The following AOPEP variants were observed in gnomAD, a reference collection of about 807,000 sequenced individuals.
AOPEP encodes the protein aminopeptidase O (putative), also known as aminopeptidase O.
A neutral mutation model predicts 98.1 loss-of-function variants in AOPEP; 77 were observed. That is an observed-to-expected ratio of 0.78 (90% confidence interval 0.65 to 0.95). The LOEUF (loss-of-function observed/expected upper bound fraction) is 0.95, where lower values mean the gene tolerates loss of function less well. Ranked by LOEUF, AOPEP falls within the 40% of genes least tolerant of loss-of-function variation. The pLI, the probability that AOPEP is intolerant of heterozygous loss-of-function variation, is 0.00. For missense variants in AOPEP, 1,024 were observed against 1,024.7 expected, an observed-to-expected ratio of 1.00 and a Z score of 0.01; for synonymous variants, 346 against 365.3, an observed-to-expected ratio of 0.95 and a Z score of 0.60.
chr9:94,941,229 A>C (rs1409819121), intron 7 of AOPEP, among the ~76,000 whole-genome samples: 1 of 152,026 alleles, frequency 6.6e-6, no homozygotes, highest in Non-Finnish European at 1.5e-5. Flanking sequence ...TCAAAATCTC[A>C]CCACTGTCCA....
At chr9:94,744,450 T>C (rs57504746) in intron 1 of AOPEP, among the ~76,000 whole-genome samples, 33,012 of 151,440 alleles carry the variant, frequency 0.22, 5,064 homozygotes, top group African/African-American at 0.43. Context: ...CCTGTAATCC[T>C]AGCACTTTGA....
chr9:95,043,950 G>A (rs1285929387), intron 13 of AOPEP, among the ~76,000 whole-genome samples: 8 of 152,204 alleles, frequency 5.3e-5, no homozygotes, highest in Admixed American at 6.5e-5. Flanking sequence ...TGTACATATG[G>A]TGTATTAAGT....
the AOPEP span, among the ~76,000 whole-genome samples, chr9:95,121,858 A>ATTT: frequency 2.2e-5 from 3 of 138,126 alleles, no homozygotes; most frequent in African/African-American, 2.7e-5. Flanking sequence ...CATAAAATTC[A>ATTT]TTTTTTTTTT....
chr9:94,905,231 A>G (rs2050958693), intron 5 of AOPEP, among the ~76,000 whole-genome samples: 1 of 151,436 alleles, frequency 6.6e-6, no homozygotes, highest in African/African-American at 2.5e-5. Context: ...TCTTCTTCTC[A>G]TCCTTTTTTT....
At chr9:94,813,243 G>T (rs1376967183) in intron 5 of AOPEP, among the ~76,000 whole-genome samples, 1 of 152,154 alleles carries the variant, frequency 6.6e-6, no homozygotes, top group African/African-American at 2.4e-5. Context: ...AGATGTGATT[G>T]CTCCCTCATT....
At chr9:94,821,395 G>C (rs1418075549) in intron 5 of AOPEP, among the ~76,000 whole-genome samples, 2 of 152,172 alleles carry the variant, frequency 1.3e-5, no homozygotes, top group Non-Finnish European at 2.9e-5. Context: ...TGAAGGGGAA[G>C]GCTAATGCTG....
At chr9:95,107,277 A>G in the AOPEP span, 1 of 1,613,110 alleles carries the variant, frequency 6.2e-7, no homozygotes, top group Non-Finnish European at 8.5e-7. Context: ...GACCTGGGCA[A>G]TAGTATTTCA....
At chr9:95,120,303 C>CA in the AOPEP span, among the ~76,000 whole-genome samples, 269 of 152,224 alleles carry the variant, frequency 1.8e-3, 1 homozygote, top group African/African-American at 6.2e-3. Context: ...GCATCTCTGT[C>CA]AAAAATCAGT....
intron 7 of AOPEP, 118 bp downstream of exon 7, chr9:94,928,649 T>C: frequency 2.9e-6 from 2 of 684,134 alleles, no homozygotes; most frequent in Non-Finnish European, 5.0e-6. Context: ...TGGGGTGGGC[T>C]TCTTGTCCCC....
chr9:94,758,527 G>A (rs1275629567), intron 1 of AOPEP, among the ~76,000 whole-genome samples: 1 of 152,178 alleles, frequency 6.6e-6, no homozygotes, highest in African/African-American at 2.4e-5. Flanking sequence ...GCAGGGAAGT[G>A]AGGAGGAGTT....
intron 11 of AOPEP, chr9:95,004,094 G>A (rs192833335): frequency 2.6e-6 from 1 of 385,216 alleles, no homozygotes; most frequent in East Asian, 7.5e-5. Flanking sequence ...AATAAAGAGA[G>A]GGCAAGACAG....
the AOPEP span, among the ~76,000 whole-genome samples, chr9:95,098,278 C>T: frequency 5.4e-4 from 83 of 152,294 alleles, no homozygotes; most frequent in African/African-American, 1.9e-3. Context: ...AGACCCCATT[C>T]GTAACTTCTC....
the AOPEP span, among the ~76,000 whole-genome samples, chr9:95,133,153 C>G: frequency 1.3e-5 from 2 of 152,242 alleles, no homozygotes; most frequent in Non-Finnish European, 2.9e-5. Context: ...GCAGGCTCTT[C>G]AGGTTACCCC....
At chr9:94,830,624 G>A (rs1855749650) in intron 5 of AOPEP, among the ~76,000 whole-genome samples, 1 of 152,178 alleles carries the variant, frequency 6.6e-6, no homozygotes, top group South Asian at 2.1e-4. Flanking sequence ...TTGAGGAATG[G>A]CCACACTGTC....
At chr9:94,996,287 C>A (rs2132468324) in intron 11 of AOPEP, among the ~76,000 whole-genome samples, 1 of 151,766 alleles carries the variant, frequency 6.6e-6, no homozygotes, top group East Asian at 1.9e-4. Context: ...AGCTTTCTCT[C>A]ATATCTTATT....
At chr9:94,855,147 G>T (rs1387796611) in intron 5 of AOPEP, among the ~76,000 whole-genome samples, 3 of 151,836 alleles carry the variant, frequency 2.0e-5, no homozygotes, top group African/African-American at 7.3e-5. Flanking sequence ...GTATAATCTC[G>T]GCTCACCACA....
chr9:94,780,304 T>C (rs1263236415), intron 3 of AOPEP, among the ~76,000 whole-genome samples: 1 of 152,260 alleles, frequency 6.6e-6, no homozygotes, highest in African/African-American at 2.4e-5. Context: ...AAATTGAGAA[T>C]TAACTTTAAA....
At chr9:95,035,608 T>A (rs1313860393) in intron 13 of AOPEP, among the ~76,000 whole-genome samples, 3 of 146,360 alleles carry the variant, frequency 2.0e-5, no homozygotes. Flanking sequence ...AACCTCCGGC[T>A]CCTGGGTTCA....
chr9:94,735,490 G>A (rs1025043411), intron 1 of AOPEP, among the ~76,000 whole-genome samples: 2 of 152,152 alleles, frequency 1.3e-5, no homozygotes, highest in African/African-American at 2.4e-5. Context: ...AAAGTGCTGG[G>A]ATTACAGGTG....
Sources: gnomAD v4.1 joint callset for allele counts (sites outside exome capture counted in the v4.1 genomes callset) on GRCh38, gnomAD v4.1.1 for gene constraint, MANE v1.5 for transcripts, NCBI Gene and HGNC (gene_info 2026-07-23, HGNC 2026-07-21) for gene names.